Variants in DNAJC12 observed in about 807,000 individuals in gnomAD.
DNAJC12 encodes DnaJ heat shock protein family (Hsp40) member C12.
Under a neutral mutation model 28.5 loss-of-function variants are expected in DNAJC12, and 25 were observed. The ratio of observed to expected loss-of-function variants is 0.88; its 90% CI spans 0.64 to 1.22. The LOEUF (loss-of-function observed/expected upper bound fraction) is 1.22, where lower values mean the gene tolerates loss of function less well. Among genes scored for constraint, DNAJC12 ranks in the 50% most tolerant of loss-of-function variants. The pLI is 0.00. For missense variants in DNAJC12, 222 were observed against 231.7 expected (o/e 0.96, Z 0.27); for synonymous variants, 77 against 80.6 (o/e 0.95, Z 0.24).
At chr10:67,808,922 G>T (rs906766508) in intron 3 of DNAJC12, among the ~76,000 whole-genome samples, 11 of 152,162 alleles carry the variant, frequency 7.2e-5, no homozygotes, top group African/African-American at 2.4e-4. Flanking sequence ...TGTGGGCATA[G>T]TGTAGGAAGC....
intron 1 of DNAJC12, among the ~76,000 whole-genome samples, chr10:67,835,789 T>C (rs1387135913): frequency 6.6e-6 from 1 of 151,324 alleles, no homozygotes; most frequent in African/African-American, 2.4e-5. Flanking sequence ...AACATTTCAT[T>C]AAAAATAAAT....
intron 1 of DNAJC12, among the ~76,000 whole-genome samples, chr10:67,836,735 A>G (rs994546597): frequency 1.3e-5 from 2 of 152,134 alleles, no homozygotes; most frequent in African/African-American, 2.4e-5. Context: ...TCAGCATGGC[A>G]AAAATAGAGA....
chr10:67,830,539 C>A (rs59368002), intron 1 of DNAJC12, among the ~76,000 whole-genome samples: 6,708 of 150,396 alleles, frequency 0.045, 505 homozygotes, highest in African/African-American at 0.16. Flanking sequence ...ACCCGGGAGG[C>A]GGAGCTTGCA....
chr10:67,804,247 C>A (rs12220640), intron 4 of DNAJC12, among the ~76,000 whole-genome samples: 19,295 of 152,178 alleles, frequency 0.13, 1,523 homozygotes, highest in East Asian at 0.3. Flanking sequence ...ACAAATGATA[C>A]AAACAGGTAA....
At chr10:67,829,700 A>G (rs1842074382) in intron 1 of DNAJC12, among the ~76,000 whole-genome samples, 1 of 152,156 alleles carries the variant, frequency 6.6e-6, no homozygotes, top group African/African-American at 2.4e-5. Context: ...TTGACTGTCA[A>G]GCCGCCCTTT....
chr10:67,803,242 G>A (rs1173384194), intron 4 of DNAJC12, among the ~76,000 whole-genome samples: 2 of 152,154 alleles, frequency 1.3e-5, no homozygotes, highest in Admixed American at 1.3e-4. Context: ...GGGTTAACTA[G>A]CTTGTCCAAG....
chr10:67,826,034 T>TTATAAATACAAA (rs1842025620), intron 1 of DNAJC12, among the ~76,000 whole-genome samples: 2 of 152,196 alleles, frequency 1.3e-5, no homozygotes, highest in Non-Finnish European at 2.9e-5. Flanking sequence ...TGAAAAACGT[T>TTATAAATACAAA]CTATCACTAC....
rs148176179 is a variant in DNAJC12, at chr10:67,811,570, G to A, written c.251C>T (p.Ser84Leu). The change falls in exon 3 of 5, where the codon TCG (serine) becomes TTG (leucine). Residue 84 changes from serine (S) to leucine (L), a missense_variant. Transcript: ENST00000225171. ...AGCTTCCCACTGCTGGAATGGCATCGACATCTGGCTCCTTCGCCAGTGGTC... is the reference window on the plus strand; with the variant it reads ...AGCTTCCCACTGCTGGAATGGCATCAACATCTGGCTCCTTCGCCAGTGGTC... Reference protein sequence around the residue: ...RYDHWRRSQMSMPFQQWEALN... With the variant: ...RYDHWRRSQMLMPFQQWEALN... The A allele has an allele frequency of 5.0e-6, 8 of 1,614,108 alleles. No homozygotes were observed. The highest frequency in any genetic ancestry group is 1.1e-5 in the South Asian group (1 of 91,080).
chr10:67,816,393 C>T (rs1841916325), intron 2 of DNAJC12, among the ~76,000 whole-genome samples: 1 of 151,622 alleles, frequency 6.6e-6, no homozygotes, highest in African/African-American at 2.4e-5. Flanking sequence ...ACAGTAAAGA[C>T]TATAAAGTAA....
chr10:67,811,505 C>T lies in DNAJC12; in HGVS notation c.297+19G>A. 6.2e-7 allele frequency: 1 copy of T among 1,613,884 alleles called. No individual in the cohort carries two copies. Among genetic ancestry groups the T allele is most frequent in the Non-Finnish European group, 8.5e-7 (1 of 1,179,898 alleles). ...TCCTGAGCTTCACAAATTCACGTCG[C>T]ACCCAGCGAGAAACCCACCGTCTTC... On this transcript the variant is annotated intron_variant, in intron 3 of 4. Coordinates refer to ENST00000225171, the MANE Select transcript of DNAJC12 (RefSeq NM_021800.3).
At chr10:67,834,855 AG>A (rs1564868920) in intron 1 of DNAJC12, among the ~76,000 whole-genome samples, 1 of 152,144 alleles carries the variant, frequency 6.6e-6, no homozygotes, top group African/African-American at 2.4e-5. Flanking sequence ...AATCCAATAT[AG>A]GGAGAAAGGC....
intron 2 of DNAJC12, among the ~76,000 whole-genome samples, chr10:67,820,875 C>G (rs1841975244): frequency 1.4e-5 from 2 of 146,074 alleles, no homozygotes; most frequent in South Asian, 4.3e-4. Context: ...CCTCCGCCTC[C>G]TAGGTTCAAG....
intron 1 of DNAJC12, among the ~76,000 whole-genome samples, chr10:67,834,397 C>A (rs892685361): frequency 1.3e-5 from 2 of 152,172 alleles, no homozygotes; most frequent in African/African-American, 4.8e-5. Flanking sequence ...GGGGCCAAAA[C>A]AACAGCCACA....
intron 2 of DNAJC12, among the ~76,000 whole-genome samples, chr10:67,818,348 T>C (rs544733930): frequency 2.8e-4 from 43 of 152,274 alleles, no homozygotes; most frequent in African/African-American, 1.0e-3. Context: ...TACCCAAAGG[T>C]TGAATCATAT....
intron 3 of DNAJC12, among the ~76,000 whole-genome samples, chr10:67,808,085 C>T (rs904152857): frequency 3.9e-5 from 6 of 152,194 alleles, no homozygotes; most frequent in Non-Finnish European, 7.3e-5. Context: ...TCACTCATTT[C>T]TGTGTTCACA....
chr10:67,811,701 G>A (rs770702213), intron 2 of DNAJC12, 38 bp from the exon 3 acceptor site: 2 of 1,595,324 alleles, frequency 1.3e-6, no homozygotes, highest in Non-Finnish European at 1.7e-6. Flanking sequence ...TTCTCTCTCG[G>A]AGAGGATATT....
chr10:67,803,961 A>C (rs1228752955), intron 4 of DNAJC12, among the ~76,000 whole-genome samples: 1 of 152,250 alleles, frequency 6.6e-6, no homozygotes, highest in Non-Finnish European at 1.5e-5. Flanking sequence ...AGAAGAGAAG[A>C]TGTAAAAGTT....
intron 1 of DNAJC12, among the ~76,000 whole-genome samples, chr10:67,834,384 G>A (rs936829739): frequency 6.6e-6 from 1 of 152,176 alleles, no homozygotes; most frequent in Non-Finnish European, 1.5e-5. Flanking sequence ...CAGTAACACT[G>A]TGGGGGCCAA....
chr10:67,836,476 T>A (rs1264839341), intron 1 of DNAJC12, among the ~76,000 whole-genome samples: 2 of 152,194 alleles, frequency 1.3e-5, no homozygotes, highest in East Asian at 3.8e-4. Context: ...GTCAGCCTTA[T>A]CAAGTTAAAT....
Sources: allele counts gnomAD v4.1 joint callset (sites outside exome capture counted in the v4.1 genomes callset), GRCh38; gene constraint gnomAD v4.1.1; transcripts MANE v1.5; gene names NCBI Gene and HGNC (gene_info 2026-07-23, HGNC 2026-07-21).